The following NTM variants were observed in gnomAD, a reference collection of about 807,000 sequenced individuals.
NTM encodes the protein IgLON family member 2.
Under a neutral mutation model 42.1 loss-of-function variants are expected in NTM, and 13 were observed. That is an observed-to-expected ratio of 0.31 (90% CI 0.20 to 0.49). The LOEUF is 0.49. NTM is among the 20% of genes least tolerant of loss of function. NTM has a pLI of 0.99. For missense variants in NTM, 373 were observed against 452.8 expected, an observed-to-expected ratio of 0.82 and a Z score of 1.60; for synonymous variants, 187 against 179.2, an observed-to-expected ratio of 1.04 and a Z score of -0.35.
At chr11:132,295,663 C>T (rs1307752983) in intron 4 of NTM, among the ~76,000 whole-genome samples, 2 of 152,190 alleles carry the variant, frequency 1.3e-5, no homozygotes, top group South Asian at 2.1e-4. Flanking sequence ...TACAATGCCT[C>T]GTGTTTTAGG....
chr11:131,871,648 C>T (rs998985969), intron 1 of NTM, among the ~76,000 whole-genome samples: 1 of 152,140 alleles, frequency 6.6e-6, no homozygotes, highest in African/African-American at 2.4e-5. Flanking sequence ...TGGGCTTGTT[C>T]TCTCCCTGTT....
At chr11:132,125,585 G>T (rs1042884806) in intron 2 of NTM, among the ~76,000 whole-genome samples, 20 of 124,966 alleles carry the variant, frequency 1.6e-4, no homozygotes, top group Admixed American at 4.9e-4. Context: ...TGTGTATGTG[G>T]TGTGTAGTGT....
At chr11:131,506,333 A>G (rs1377138749) in intron 1 of NTM, among the ~76,000 whole-genome samples, 1 of 152,170 alleles carries the variant, frequency 6.6e-6, no homozygotes, top group African/African-American at 2.4e-5. Flanking sequence ...GGAAGGGCCT[A>G]TAACACTCCA....
intron 3 of NTM, among the ~76,000 whole-genome samples, chr11:132,203,942 A>G (rs922325472): frequency 6.6e-6 from 1 of 151,992 alleles, no homozygotes; most frequent in Non-Finnish European, 1.5e-5. Flanking sequence ...AAACACTGCA[A>G]TTTTCAGCTG....
chr11:131,918,324 G>A (rs1045062252), intron 2 of NTM, among the ~76,000 whole-genome samples: 1 of 152,156 alleles, frequency 6.6e-6, no homozygotes, highest in African/African-American at 2.4e-5. Context: ...ATTTATCACC[G>A]TATTCTCTCC....
chr11:131,938,316 G>A (rs901866776), intron 2 of NTM, among the ~76,000 whole-genome samples: 1 of 152,242 alleles, frequency 6.6e-6, no homozygotes, highest in Non-Finnish European at 1.5e-5. Context: ...ATGGGCAGGA[G>A]GCAGCCATGC....
chr11:131,769,687 T>C (rs1000472158), intron 1 of NTM: 1 of 493,716 alleles, frequency 2.0e-6, no homozygotes, highest in Non-Finnish European at 2.6e-6. Context: ...TTCAGAGCAT[T>C]GGTGAGAAGC....
chr11:131,476,278 A>G (rs183945594), intron 1 of NTM, among the ~76,000 whole-genome samples: 28 of 152,282 alleles, frequency 1.8e-4, no homozygotes, highest in African/African-American at 6.7e-4. Context: ...ATATCAACTC[A>G]CCGTGTTAAA....
At chr11:131,992,689 A>T (rs2067248410) in intron 2 of NTM, among the ~76,000 whole-genome samples, 1 of 152,154 alleles carries the variant, frequency 6.6e-6, no homozygotes, top group Non-Finnish European at 1.5e-5. Context: ...TTGCCTGAAA[A>T]GATTGAATAC....
At chr11:131,761,115 G>A (rs2084099055) in intron 1 of NTM, among the ~76,000 whole-genome samples, 1 of 152,154 alleles carries the variant, frequency 6.6e-6, no homozygotes, top group African/African-American at 2.4e-5. Context: ...ATGAAAACTG[G>A]TGCCAGACTA....
At chr11:131,616,004 A>G (rs538843577) in intron 1 of NTM, among the ~76,000 whole-genome samples, 5 of 152,350 alleles carry the variant, frequency 3.3e-5, no homozygotes, top group African/African-American at 1.2e-4. Flanking sequence ...TATATTCAGC[A>G]TGTTAGCTGC....
intron 4 of NTM, among the ~76,000 whole-genome samples, chr11:132,250,666 C>T (rs114142282): frequency 2.0e-5 from 3 of 152,008 alleles, no homozygotes; most frequent in East Asian, 3.9e-4. Context: ...TATTCTTTTA[C>T]ACCTTTACAC....
intron 3 of NTM, among the ~76,000 whole-genome samples, chr11:132,182,009 T>G (rs1231718588): frequency 6.8e-6 from 1 of 146,576 alleles, no homozygotes; most frequent in Non-Finnish European, 1.5e-5. Flanking sequence ...CTAGGAAGGG[T>G]GTTCCGATTC....
intron 1 of NTM, among the ~76,000 whole-genome samples, chr11:131,678,065 G>A (rs918777177): frequency 3.9e-5 from 6 of 152,222 alleles, no homozygotes; most frequent in Admixed American, 6.5e-5. Context: ...ACTTGATGAA[G>A]TGAAGAGGCT....
intron 1 of NTM, among the ~76,000 whole-genome samples, chr11:131,446,570 A>G (rs1950073918): frequency 6.6e-6 from 1 of 152,194 alleles, no homozygotes; most frequent in Non-Finnish European, 1.5e-5. Flanking sequence ...ACCTAGGCGC[A>G]CATTCGCCTT....
In NTM at chr11:131,590,816, G is replaced by A. The variant is rs552619897; in HGVS notation, c.82+219928G>A. Among the ~76,000 whole-genome samples, 4 of 152,274 alleles carry A rather than the reference G, an allele frequency of 2.6e-5. No individual in the cohort carries two copies. The South Asian group carries it at 8.3e-4, about 32-fold the overall frequency. ...GTACTGTATAAATGGCCGATGTAAGGTTTAACCCAGGTCTGGCCCCAAATC... is the reference window on the plus strand; with the variant it reads ...GTACTGTATAAATGGCCGATGTAAGATTTAACCCAGGTCTGGCCCCAAATC... On this transcript the variant is annotated intron_variant, in intron 1 of 8. Coordinates refer to ENST00000683400, the MANE Select transcript of NTM (RefSeq NM_001352005.2).
intron 2 of NTM, among the ~76,000 whole-genome samples, chr11:131,987,319 C>T (rs1489160382): frequency 6.6e-6 from 1 of 152,204 alleles, no homozygotes; most frequent in Non-Finnish European, 1.5e-5. Context: ...CACTCCCACA[C>T]AGACTGGAAT....
At chr11:131,937,294 G>C (rs1347793086) in intron 2 of NTM, among the ~76,000 whole-genome samples, 1 of 152,166 alleles carries the variant, frequency 6.6e-6, no homozygotes, top group Non-Finnish European at 1.5e-5. Flanking sequence ...AGTTGAATTA[G>C]TAATTTATTC....
intron 2 of NTM, among the ~76,000 whole-genome samples, chr11:132,129,486 C>G (rs2137053182): frequency 6.6e-6 from 1 of 152,294 alleles, no homozygotes; most frequent in East Asian, 1.9e-4. Context: ...AGCTTAGGCC[C>G]TGCATTCCCA....
Sources: gnomAD v4.1 joint callset for allele counts (sites outside exome capture counted in the v4.1 genomes callset) on GRCh38, gnomAD v4.1.1 for gene constraint, MANE v1.5 for transcripts, NCBI Gene and HGNC (gene_info 2026-07-23, HGNC 2026-07-21) for gene names.